Variants in LRRC4C observed in about 807,000 individuals in gnomAD.
LRRC4C encodes the protein leucine-rich repeat-containing protein 4C.
LRRC4C carries 5 observed loss-of-function variants against 33.6 expected under a neutral mutation model. The observed-to-expected ratio is 0.15, with a 90% CI of 0.08 to 0.31. The LOEUF is 0.31. Among genes scored for constraint, LRRC4C ranks in the 10% least tolerant of loss-of-function variants. The pLI is 1.00. For synonymous variants in LRRC4C, 329 were observed against 302.0 expected, an observed-to-expected ratio of 1.09 and a Z score of -0.93; for missense variants, 560 against 796.7, an observed-to-expected ratio of 0.70 and a Z score of 3.58.
intron 3 of LRRC4C, among the ~76,000 whole-genome samples, chr11:40,624,268 T>C (rs1349456973): frequency 6.6e-6 from 1 of 152,090 alleles, no homozygotes; most frequent in Non-Finnish European, 1.5e-5. Flanking sequence ...ATGCAGAAAA[T>C]TATAAAACTT....
intron 1 of LRRC4C, among the ~76,000 whole-genome samples, chr11:41,161,190 A>G (rs775908970): frequency 9.2e-5 from 14 of 152,210 alleles, no homozygotes; most frequent in Non-Finnish European, 1.8e-4. Flanking sequence ...CCTTAAAAAG[A>G]CATTCCATAG....
At chr11:40,893,823 ACACACAC>A (rs1955822444) in intron 2 of LRRC4C, among the ~76,000 whole-genome samples, 3 of 122,600 alleles carry the variant, frequency 2.4e-5, no homozygotes, top group East Asian at 2.2e-4. Flanking sequence ...ATTATAACAC[ACACACAC>A]ACACACACAC....
chr11:41,459,100 T>C (rs1385116270), intron 1 of LRRC4C, among the ~76,000 whole-genome samples: 3 of 152,150 alleles, frequency 2.0e-5, no homozygotes, highest in South Asian at 2.1e-4. Flanking sequence ...TTCTGATTAA[T>C]GTTTTTCCTC....
Position 40,202,469 on chromosome 11 carries a change from A to G in LRRC4C, c.-96+39050T>C, listed in dbSNP as rs1023917926. On this transcript the variant is annotated intron_variant, in intron 5 of 6. Coordinates refer to ENST00000528697, the MANE Select transcript of LRRC4C (RefSeq NM_001258419.2). ...ATAATTCTCCCTCTGTGCCCAACAC[A>G]TTATACCACCATATGCAGGTCACAT... is the stretch of plus-strand genomic sequence containing the variant. 7.2e-5 allele frequency among the ~76,000 whole-genome samples: 11 copies of G among 152,260 alleles called. No individual in the cohort carries two copies. The South Asian group carries it at 1.9e-3, about 26-fold the overall frequency.
chr11:40,588,367 T>C (rs1958864063), intron 3 of LRRC4C, among the ~76,000 whole-genome samples: 1 of 152,184 alleles, frequency 6.6e-6, no homozygotes, highest in Non-Finnish European at 1.5e-5. Flanking sequence ...TATTCTCTCT[T>C]TTTTTCTTTA....
At position 40,815,119 on chromosome 11, in the gene LRRC4C, T is replaced by C. The variant is rs138693145; in HGVS notation, c.-407+118516A>G. On this transcript the variant is annotated intron_variant, in intron 2 of 6. Coordinates refer to ENST00000528697, the MANE Select transcript of LRRC4C (RefSeq NM_001258419.2). ...GACATACACAAGACTTGGTAATTTA[T>C]AAAGGAAAGAGGTTTAACTGACTCA... Among the ~76,000 whole-genome samples, 476 of 152,268 alleles carry C rather than the reference T, an allele frequency of 3.1e-3. 3 individuals carry two copies. The highest frequency in any genetic ancestry group is 0.01 in the Middle Eastern group (3 of 294).
intron 3 of LRRC4C, among the ~76,000 whole-genome samples, chr11:40,457,211 A>G (rs1014271658): frequency 3.3e-5 from 5 of 152,094 alleles, no homozygotes; most frequent in African/African-American, 9.6e-5. Context: ...ATGTTGATTG[A>G]TATGAAGTAG....
intron 1 of LRRC4C, among the ~76,000 whole-genome samples, chr11:41,309,024 G>A (rs559299233): frequency 3.3e-5 from 5 of 152,172 alleles, no homozygotes; most frequent in African/African-American, 4.8e-5. Flanking sequence ...GGCTGGTCTC[G>A]AACTGCCAAC....
chr11:40,400,564 T>C (rs1949720056), intron 3 of LRRC4C, among the ~76,000 whole-genome samples: 1 of 152,112 alleles, frequency 6.6e-6, no homozygotes, highest in South Asian at 2.1e-4. Context: ...AAAAAGTTAA[T>C]TTCACATTTG....
rs1424884623 is a variant in LRRC4C, at chr11:40,872,590, T to C, written c.-407+61045A>G. ...CTACTTTGATATTTTGCTGTTTACC[T>C]ATATCTTTCCCGGATTTGGTAAATT... On this transcript the variant is annotated intron_variant, in intron 2 of 6. Coordinates refer to ENST00000528697, the MANE Select transcript of LRRC4C (RefSeq NM_001258419.2). 4.6e-5 allele frequency among the ~76,000 whole-genome samples: 7 copies of C among 152,244 alleles called. No individual in the cohort carries two copies. In the East Asian group the frequency reaches 1.4e-3, roughly 29 times the overall value.
chr11:41,438,196 C>A (rs1211652440), intron 1 of LRRC4C, among the ~76,000 whole-genome samples: 1 of 152,002 alleles, frequency 6.6e-6, no homozygotes, highest in Admixed American at 6.6e-5. Flanking sequence ...AGACACTGTA[C>A]TTGTTGCCTA....
intron 3 of LRRC4C, among the ~76,000 whole-genome samples, chr11:40,371,586 A>T (rs577345768): frequency 7.9e-5 from 12 of 152,212 alleles, no homozygotes; most frequent in Non-Finnish European, 1.5e-4. Flanking sequence ...GAGCATTTTA[A>T]CCCTTTCGGA....
At chr11:41,045,255 C>G (rs886635583) in intron 1 of LRRC4C, among the ~76,000 whole-genome samples, 2 of 152,046 alleles carry the variant, frequency 1.3e-5, no homozygotes, top group African/African-American at 2.4e-5. Flanking sequence ...AACTGAGACA[C>G]CTTAAGCAGT....
chr11:40,167,033 G>A (rs1375507049), intron 5 of LRRC4C, among the ~76,000 whole-genome samples: 2 of 152,100 alleles, frequency 1.3e-5, no homozygotes, highest in Non-Finnish European at 2.9e-5. Flanking sequence ...TAAGTGAAAG[G>A]CATTTTAATA....
intron 1 of LRRC4C, among the ~76,000 whole-genome samples, chr11:41,318,679 G>A (rs1241154693): frequency 6.6e-6 from 1 of 151,866 alleles, no homozygotes; most frequent in Non-Finnish European, 1.5e-5. Flanking sequence ...TCTCCCTTTG[G>A]CTTTTTGTAA....
At chr11:41,392,417 T>C (rs887951285) in intron 1 of LRRC4C, among the ~76,000 whole-genome samples, 1 of 151,812 alleles carries the variant, frequency 6.6e-6, no homozygotes, top group Non-Finnish European at 1.5e-5. Context: ...TATTAGCAGC[T>C]TTCCTCTGTA....
intron 1 of LRRC4C, among the ~76,000 whole-genome samples, chr11:41,250,548 T>C (rs1218428900): frequency 2.0e-5 from 3 of 152,210 alleles, no homozygotes; most frequent in African/African-American, 7.2e-5. Flanking sequence ...AATCCAGTGG[T>C]TCAGGCATTC....
At chr11:40,253,831 G>A (rs1866980778) in intron 4 of LRRC4C, among the ~76,000 whole-genome samples, 1 of 152,124 alleles carries the variant, frequency 6.6e-6, no homozygotes, top group African/African-American at 2.4e-5. Context: ...GTCATTGTGT[G>A]TTTTAAGTAT....
intron 2 of LRRC4C, among the ~76,000 whole-genome samples, chr11:40,841,543 A>G (rs1191639850): frequency 6.6e-6 from 1 of 152,184 alleles, no homozygotes; most frequent in Non-Finnish European, 1.5e-5. Flanking sequence ...CATTTAGGGA[A>G]AGGCTGCTTG....
Sources: allele counts gnomAD v4.1 joint callset (sites outside exome capture counted in the v4.1 genomes callset), GRCh38; gene constraint gnomAD v4.1.1; transcripts MANE v1.5; gene names NCBI Gene and HGNC (gene_info 2026-07-23, HGNC 2026-07-21).